Variants in WDR49 observed in about 807,000 individuals in gnomAD.
WDR49 encodes the protein WD repeat domain 49.
A neutral mutation model predicts 119.5 loss-of-function variants in WDR49; 107 were observed. The observed-to-expected ratio is 0.90, with a 90% CI of 0.77 to 1.05. The LOEUF is 1.05. WDR49 is among the 50% of genes least tolerant of loss of function. The probability of loss-of-function intolerance (pLI) is 0.00; values close to 1 mark genes in which losing one functional copy is unlikely to be tolerated. For synonymous variants in WDR49, 425 were observed against 418.8 expected (o/e 1.01, Z -0.18); for missense variants, 1,240 against 1,220.5 (o/e 1.02, Z -0.24).
chr3:167,558,059 A>G (rs1713049138), intron 9 of WDR49, among the ~76,000 whole-genome samples: 2 of 152,116 alleles, frequency 1.3e-5, no homozygotes, highest in Non-Finnish European at 2.9e-5. Flanking sequence ...TTTGAAACCA[A>G]CCCAGGAACA....
At chr3:167,595,944 G>T (rs1269328862) in intron 7 of WDR49, among the ~76,000 whole-genome samples, 1 of 147,354 alleles carries the variant, frequency 6.8e-6, no homozygotes, top group Non-Finnish European at 1.5e-5. Flanking sequence ...CCTACAAAAT[G>T]GGAGAAAATT....
intron 2 of WDR49, among the ~76,000 whole-genome samples, chr3:167,629,841 G>A (rs1351048942): frequency 1.3e-5 from 2 of 152,088 alleles, no homozygotes; most frequent in African/African-American, 2.4e-5. Flanking sequence ...ATTAGAAGTG[G>A]AGCCTGAAGA....
chr3:167,497,127 T>C (rs1560250839), intron 18 of WDR49, among the ~76,000 whole-genome samples: 1 of 152,188 alleles, frequency 6.6e-6, no homozygotes, highest in African/African-American at 2.4e-5. Flanking sequence ...CCAGCCAGAA[T>C]GAATCGAACT....
chr3:167,509,518 A>C (rs1021068616), intron 16 of WDR49, among the ~76,000 whole-genome samples: 2 of 152,214 alleles, frequency 1.3e-5, no homozygotes, highest in Non-Finnish European at 2.9e-5. Context: ...TAAAGCAATA[A>C]GATATCATAG....
chr3:167,505,549 T>A, intron 16 of WDR49, 133 bp from the exon 17 acceptor site: 2 of 1,242,972 alleles, frequency 1.6e-6, no homozygotes, highest in South Asian at 4.0e-5. Context: ...ACCGAAGTAG[T>A]GATATTTGTT....
Position 167,653,434 on chromosome 3 carries a change from C to T in WDR49, c.-9G>A, listed in dbSNP as rs1443733092. On this transcript the variant is annotated 5_prime_UTR_variant, in exon 2 of 19. Coordinates refer to ENST00000682715, the MANE Select transcript of WDR49 (RefSeq NM_001366157.1). ...GCTTTCTGGCAACTCATAATGGCTT[C>T]ACCTTTTCTCAGTTGCCTTCAACTA... is the stretch of plus-strand genomic sequence containing the variant. 5 of 1,487,370 alleles carry T rather than the reference C, an allele frequency of 3.4e-6. No individual in the cohort carries two copies. Among genetic ancestry groups the T allele is most frequent in the East Asian group, 2.5e-5 (1 of 39,798 alleles). The allele number at this position is 1,487,370 out of a possible 1,614,324, so 92.1% of individuals were successfully genotyped here. A position where few individuals can be genotyped will look rare whatever the true frequency, so the allele number is the denominator to read the frequency against.
intron 10 of WDR49, among the ~76,000 whole-genome samples, chr3:167,541,538 A>T (rs1317592711): frequency 1.3e-5 from 2 of 152,124 alleles, no homozygotes; most frequent in African/African-American, 2.4e-5. Flanking sequence ...GGCTAGAAGG[A>T]GTTCTAAATC....
At chr3:167,499,101 TA>T (rs146502147) in intron 18 of WDR49, among the ~76,000 whole-genome samples, 22 of 151,818 alleles carry the variant, frequency 1.4e-4, no homozygotes, top group African/African-American at 2.9e-4. Context: ...TTTTTTAAAA[TA>T]AAAAAAACAA....
chr3:167,565,509 A>G (rs1713543623), intron 8 of WDR49, among the ~76,000 whole-genome samples: 1 of 152,148 alleles, frequency 6.6e-6, no homozygotes, highest in African/African-American at 2.4e-5. Flanking sequence ...AGGAAAATAT[A>G]GCTAAGAAGG....
chr3:167,540,461 G>C (rs75745566), intron 10 of WDR49, among the ~76,000 whole-genome samples: 4 of 152,028 alleles, frequency 2.6e-5, no homozygotes, highest in Non-Finnish European at 5.9e-5. Context: ...AGTCTGGCTC[G>C]TAGGAAGCCC....
intron 9 of WDR49, 53 bp from the exon 10 acceptor site, chr3:167,554,851 T>C: frequency 1.5e-6 from 2 of 1,307,836 alleles, no homozygotes; most frequent in Non-Finnish European, 2.1e-6. Flanking sequence ...ACTTTTTATA[T>C]TCTGAACCAG....
At chr3:167,563,077 G>C (rs1231889433) in intron 8 of WDR49, among the ~76,000 whole-genome samples, 1 of 152,142 alleles carries the variant, frequency 6.6e-6, no homozygotes, top group African/African-American at 2.4e-5. Context: ...TTAGAAACCT[G>C]ATTTTAGGGC....
intron 3 of WDR49, among the ~76,000 whole-genome samples, chr3:167,623,676 A>T (rs979330657): frequency 3.3e-5 from 5 of 152,020 alleles, no homozygotes; most frequent in Admixed American, 6.6e-5. Flanking sequence ...ACTTCTATTT[A>T]ATATGGTATG....
At chr3:167,628,173 T>C (rs1717216005) in intron 2 of WDR49, among the ~76,000 whole-genome samples, 1 of 152,054 alleles carries the variant, frequency 6.6e-6, no homozygotes, top group Non-Finnish European at 1.5e-5. Flanking sequence ...TCCTTGGGCC[T>C]CCCTATTTTT....
At position 167,523,631 on chromosome 3, in the gene WDR49, G is replaced by A. The variant is rs139420076; in HGVS notation, c.2605-1147C>T. On this transcript the variant is annotated intron_variant, in intron 15 of 18. Transcript: ENST00000682715. The stretch of plus-strand genomic sequence containing the variant: ...CTAATTGTTCAACTCTCACTTATGA[G>A]TGAGAACATGTGGTGTTTGGTTTTC... Among the ~76,000 whole-genome samples the A allele has an allele frequency of 7.1e-3, 1,083 of 152,146 alleles. 15 individuals are homozygous for A. Among genetic ancestry groups the A allele is most frequent in the African/African-American group, 0.025 (1,024 of 41,502 alleles).
intron 8 of WDR49, among the ~76,000 whole-genome samples, chr3:167,570,438 C>A (rs950314213): frequency 3.3e-5 from 5 of 152,106 alleles, no homozygotes; most frequent in Non-Finnish European, 7.4e-5. Flanking sequence ...AAAATTATAC[C>A]TCATCCCTCA....
chr3:167,618,055 A>C (rs1449769460), intron 5 of WDR49, among the ~76,000 whole-genome samples: 1 of 152,034 alleles, frequency 6.6e-6, no homozygotes, highest in Non-Finnish European at 1.5e-5. Flanking sequence ...TCAGTGTCTG[A>C]TCTATTCATG....
intron 2 of WDR49, among the ~76,000 whole-genome samples, chr3:167,635,036 T>C (rs2108334299): frequency 6.6e-6 from 1 of 151,906 alleles, no homozygotes; most frequent in Admixed American, 6.6e-5. Flanking sequence ...CACAATATTT[T>C]ATAGAGAAGA....
intron 5 of WDR49, among the ~76,000 whole-genome samples, chr3:167,606,257 C>T (rs1462732664): frequency 6.6e-6 from 1 of 152,144 alleles, no homozygotes; most frequent in African/African-American, 2.4e-5. Context: ...TATAGACCCT[C>T]TCCATCAGAA....
Sources: gnomAD v4.1 joint callset for allele counts (sites outside exome capture counted in the v4.1 genomes callset) on GRCh38, gnomAD v4.1.1 for gene constraint, MANE v1.5 for transcripts, NCBI Gene and HGNC (gene_info 2026-07-23, HGNC 2026-07-21) for gene names.